The following TEX14 variants were observed in gnomAD, a reference collection of about 807,000 sequenced individuals.
TEX14 encodes inactive serine/threonine-protein kinase TEX14.
In TEX14, 168 loss-of-function variants were observed where a neutral mutation model predicts 178.6. The ratio of observed to expected loss-of-function variants is 0.94; its 90% CI spans 0.83 to 1.07. The LOEUF (loss-of-function observed/expected upper bound fraction) is 1.07. TEX14 is among the 50% of genes least tolerant of loss of function. The probability of loss-of-function intolerance (pLI) is 0.00; values close to 1 mark genes in which losing one functional copy is unlikely to be tolerated. For synonymous variants in TEX14, 626 were observed against 634.1 expected, an observed-to-expected ratio of 0.99 and a Z score of 0.19; for missense variants, 1,730 against 1,753.6, an observed-to-expected ratio of 0.99 and a Z score of 0.24.
intron 13 of TEX14, among the ~76,000 whole-genome samples, chr17:58,601,028 T>C (rs1221200524): frequency 2.0e-5 from 3 of 151,936 alleles, no homozygotes; most frequent in African/African-American, 7.3e-5. Context: ...GTGGGAGGAC[T>C]GCTTGAGGCC....
chr17:58,633,242 T>C (rs1226639261), intron 2 of TEX14, among the ~76,000 whole-genome samples: 1 of 152,172 alleles, frequency 6.6e-6, no homozygotes, highest in Admixed American at 6.6e-5. Context: ...TCTCAGGAAA[T>C]ATTTCCCTGA....
At chr17:58,590,500 C>T (rs2045104590) in intron 15 of TEX14, among the ~76,000 whole-genome samples, 1 of 151,940 alleles carries the variant, frequency 6.6e-6, no homozygotes. Context: ...AATGAAGCAA[C>T]CTAAAATTCA....
At chr17:58,601,439 T>C (rs2045438759) in intron 13 of TEX14, among the ~76,000 whole-genome samples, 1 of 151,624 alleles carries the variant, frequency 6.6e-6, no homozygotes, top group African/African-American at 2.4e-5. Context: ...GGAGAATTGC[T>C]TGAACCCGGG....
rs561043054 is a variant in TEX14 at position 58,639,678 on chromosome 17, C to T, written c.137-9124G>A. On this transcript the variant is annotated intron_variant, in intron 2 of 31. Coordinates refer to ENST00000349033, the MANE Select transcript of TEX14 (RefSeq NM_031272.5). ...ATAAGACAGTATGAGCTAGGCTCCACGGTTCTGGTAAAGGTGCCTGGTCCC... is the reference window on the plus strand; with the variant it reads ...ATAAGACAGTATGAGCTAGGCTCCATGGTTCTGGTAAAGGTGCCTGGTCCC... 2.3e-4 allele frequency among the ~76,000 whole-genome samples: 35 copies of T among 152,204 alleles called. No individual in the cohort carries two copies. The East Asian group carries it at 5.0e-3, about 22-fold the overall frequency.
chr17:58,641,797 T>A (rs2046583202), intron 2 of TEX14, among the ~76,000 whole-genome samples: 1 of 152,166 alleles, frequency 6.6e-6, no homozygotes, highest in Non-Finnish European at 1.5e-5. Flanking sequence ...CGTAAGCCAC[T>A]GCGCCCAGCC....
intron 5 of TEX14, among the ~76,000 whole-genome samples, chr17:58,621,182 G>T (rs372894633): frequency 6.6e-6 from 1 of 152,218 alleles, no homozygotes; most frequent in Non-Finnish European, 1.5e-5. Context: ...GGGAGAAGAG[G>T]GGGCTGCCCA....
chr17:58,589,942 C>T (rs781466192), intron 15 of TEX14, among the ~76,000 whole-genome samples: 8 of 151,952 alleles, frequency 5.3e-5, no homozygotes, highest in Non-Finnish European at 8.8e-5. Context: ...AGACTTCAAG[C>T]GACCCTCACA....
chr17:58,586,029 G>A lies in TEX14; in HGVS notation c.2842C>T (p.Pro948Ser). 6.2e-7 allele frequency: 1 copy of A among 1,614,106 alleles called. No homozygotes were observed. The highest frequency in any genetic ancestry group is 8.5e-7 in the Non-Finnish European group (1 of 1,179,976). ...KAATGQLTVP[P>S]WHPQSSLTLE... is the part of the protein sequence containing the mutation. ...GTCAGACTACTCTGAGGATGCCAAG[G>A]AGGTACTGTGAGCTGTCCAGTAGCT... Residue 948 changes from proline to serine, a missense_variant, in exon 18 of 32, where the codon CCT becomes TCT. This residue lies in a region of TEX14 where 941 missense variants were observed against 1,072.4 expected (regional missense o/e 0.88). Transcript: ENST00000349033.
At chr17:58,643,980 A>G (rs931269463) in intron 2 of TEX14, among the ~76,000 whole-genome samples, 1 of 138,610 alleles carries the variant, frequency 7.2e-6, no homozygotes, top group Non-Finnish European at 1.5e-5. Context: ...TCCTGCAGCC[A>G]GAGCAGCCAT....
chr17:58,673,243 G>A (rs2047332914), intron 1 of TEX14, among the ~76,000 whole-genome samples: 1 of 151,606 alleles, frequency 6.6e-6, no homozygotes, highest in African/African-American at 2.4e-5. Flanking sequence ...CACTTTGGAA[G>A]GCCGAGGTGG....
intron 1 of TEX14, among the ~76,000 whole-genome samples, chr17:58,656,943 A>AG (rs1598423768): frequency 6.7e-6 from 1 of 149,732 alleles, no homozygotes; most frequent in African/African-American, 2.4e-5. Flanking sequence ...AAAAAAAAAA[A>AG]AAAAAAGAAA....
At chr17:58,656,867 G>A (rs1295894713) in intron 1 of TEX14, among the ~76,000 whole-genome samples, 7 of 141,148 alleles carry the variant, frequency 5.0e-5, no homozygotes, top group Non-Finnish European at 1.0e-4. Flanking sequence ...AGGTTGCAGT[G>A]AGCCGAGATC....
intron 10 of TEX14, among the ~76,000 whole-genome samples, chr17:58,608,782 T>A (rs2045676636): frequency 6.6e-6 from 1 of 152,202 alleles, no homozygotes; most frequent in Non-Finnish European, 1.5e-5. Context: ...GGAGACTGTG[T>A]CTGAAGTGAC....
chr17:58,611,358 A>C lies in TEX14; in HGVS notation c.1006-19T>G, dbSNP rs1567734695. 4 of 1,594,702 alleles carry C rather than the reference A, an allele frequency of 2.5e-6. No homozygotes were observed. Among genetic ancestry groups the C allele is most frequent in the Non-Finnish European group, 3.4e-6 (4 of 1,166,706 alleles). On this transcript the variant is annotated intron_variant, in intron 9 of 31. Transcript: ENST00000349033. Reference sequence around the variant, plus strand: ...GGGACCGCTGCAAGCAAGAGATGAAATGCCACGAAAAAAAAAAGGACTGGG... The same window carrying C: ...GGGACCGCTGCAAGCAAGAGATGAACTGCCACGAAAAAAAAAAGGACTGGG...
At chr17:58,559,703 T>A (rs1420538812) in intron 29 of TEX14, 141 bp from the exon 30 acceptor site, 1 of 609,314 alleles carries the variant, frequency 1.6e-6, no homozygotes, top group East Asian at 2.8e-5. Context: ...GTGTTCTCTA[T>A]GCACCAGGCA....
chr17:58,631,833 T>G (rs146304664), intron 2 of TEX14: 2 of 152,182 alleles, frequency 1.3e-5, no homozygotes, highest in African/African-American at 4.8e-5. Context: ...CAAAATATAG[T>G]CTTAATGTCC....
chr17:58,603,887 C>CTGTGTGTGTG (rs71143257), intron 11 of TEX14, among the ~76,000 whole-genome samples: 1,765 of 105,238 alleles, frequency 0.017, 51 homozygotes, highest in East Asian at 0.051. Context: ...TGTGATTTTA[C>CTGTGTGTGTG]TGTGTGTGTG....
intron 19 of TEX14, 104 bp downstream of exon 19, chr17:58,584,396 A>T (rs2144406949): frequency 2.6e-6 from 2 of 768,734 alleles, no homozygotes; most frequent in East Asian, 5.0e-5. Flanking sequence ...AGCCAAAAAG[A>T]ACTACTATAG....
At chr17:58,614,819 A>G (rs185829618) in intron 8 of TEX14, among the ~76,000 whole-genome samples, 1 of 152,358 alleles carries the variant, frequency 6.6e-6, no homozygotes, top group African/African-American at 2.4e-5. Context: ...CCTCAATGGC[A>G]CAGACATGTC....
Sources: gnomAD v4.1 joint callset for allele counts (sites outside exome capture counted in the v4.1 genomes callset) on GRCh38, gnomAD v4.1.1 for gene constraint, gnomAD v4.1.1 regional missense constraint, MANE v1.5 for transcripts, NCBI Gene and HGNC (gene_info 2026-07-23, HGNC 2026-07-21) for gene names.